The following ITGB3BP variants were observed in gnomAD, a reference collection of about 807,000 sequenced individuals.
ITGB3BP encodes the protein centromere protein R.
ITGB3BP carries 27 observed loss-of-function variants against 29.1 expected under a neutral mutation model. The ratio of observed to expected loss-of-function variants is 0.93; its 90% CI spans 0.68 to 1.28. The LOEUF (loss-of-function observed/expected upper bound fraction) is 1.28. ITGB3BP is among the 50% of genes most tolerant of loss of function. ITGB3BP has a pLI of 0.00. For synonymous variants in ITGB3BP, 61 were observed against 61.4 expected (o/e 0.99, Z 0.03); for missense variants, 192 against 200.2 (o/e 0.96, Z 0.25).
At chr1:63,470,996 G>C (rs1175595627) in intron 4 of ITGB3BP, among the ~76,000 whole-genome samples, 1 of 152,048 alleles carries the variant, frequency 6.6e-6, no homozygotes, top group Non-Finnish European at 1.5e-5. Context: ...GTTTTAATTT[G>C]CATTTTCCCA....
intron 8 of ITGB3BP, chr1:63,443,099 G>A (rs1644749550): frequency 6.6e-6 from 1 of 152,216 alleles, no homozygotes; most frequent in Non-Finnish European, 1.5e-5. Flanking sequence ...AACAATTACA[G>A]GTCAAGAGGA....
At chr1:63,494,318 T>G (rs1464263834) in intron 2 of ITGB3BP, among the ~76,000 whole-genome samples, 1 of 152,130 alleles carries the variant, frequency 6.6e-6, no homozygotes, top group East Asian at 1.9e-4. Flanking sequence ...AAGGTTTCAC[T>G]ATGTTCACCA....
At chr1:63,450,432 T>G (rs890881635) in intron 7 of ITGB3BP, among the ~76,000 whole-genome samples, 8 of 151,982 alleles carry the variant, frequency 5.3e-5, no homozygotes, top group Non-Finnish European at 7.4e-5. Flanking sequence ...TATTTTTAAT[T>G]ATCTTCAGAA....
chr1:63,465,006 T>C (rs991004381), intron 4 of ITGB3BP, among the ~76,000 whole-genome samples: 1 of 152,104 alleles, frequency 6.6e-6, no homozygotes, highest in East Asian at 1.9e-4. Flanking sequence ...AAGAGAAAAA[T>C]TGCAATAAAG....
At chr1:63,512,704 TTC>T (rs1486519089) in intron 1 of ITGB3BP, among the ~76,000 whole-genome samples, 1 of 152,104 alleles carries the variant, frequency 6.6e-6, no homozygotes, top group Non-Finnish European at 1.5e-5. Context: ...AGTAAGAAAT[TTC>T]TGAGTGGAAG....
At chr1:63,501,347 T>C (rs537989848) in intron 2 of ITGB3BP, among the ~76,000 whole-genome samples, 5 of 152,306 alleles carry the variant, frequency 3.3e-5, no homozygotes, top group Non-Finnish European at 5.9e-5. Flanking sequence ...GAAAATGTTA[T>C]GCTAAATGAA....
intron 2 of ITGB3BP, among the ~76,000 whole-genome samples, chr1:63,498,007 A>G (rs920172824): frequency 4.6e-5 from 7 of 152,230 alleles, no homozygotes; most frequent in East Asian, 1.9e-4. Flanking sequence ...AAAAAGATAT[A>G]CAATTATAAA....
chr1:63,510,600 C>T (rs978828807), intron 1 of ITGB3BP, among the ~76,000 whole-genome samples: 1 of 152,072 alleles, frequency 6.6e-6, no homozygotes, highest in Non-Finnish European at 1.5e-5. Flanking sequence ...TTAAAAGAAT[C>T]CTTAAAAGAT....
chr1:63,513,067 G>C (rs1374271098), intron 1 of ITGB3BP, among the ~76,000 whole-genome samples: 1 of 152,112 alleles, frequency 6.6e-6, no homozygotes, highest in Non-Finnish European at 1.5e-5. Context: ...CCTTCTGAGA[G>C]CATAACTTGA....
intron 3 of ITGB3BP, among the ~76,000 whole-genome samples, chr1:63,485,360 A>T (rs1168208701): frequency 6.6e-6 from 1 of 151,978 alleles, no homozygotes; most frequent in African/African-American, 2.4e-5. Flanking sequence ...TGTCTAAAAC[A>T]TCGTAACTCT....
intron 3 of ITGB3BP, among the ~76,000 whole-genome samples, chr1:63,488,305 A>G (rs1165795090): frequency 6.6e-6 from 1 of 152,036 alleles, no homozygotes; most frequent in Non-Finnish European, 1.5e-5. Flanking sequence ...AGTGTAAAAA[A>G]GGGGTAGAAA....
intron 7 of ITGB3BP, among the ~76,000 whole-genome samples, chr1:63,450,261 C>T (rs1487536899): frequency 6.6e-6 from 1 of 151,870 alleles, no homozygotes; most frequent in Non-Finnish European, 1.5e-5. Flanking sequence ...TTAAAATATG[C>T]ATACTGCAAC....
chr1:63,491,008 AATT>A (rs10541091), intron 2 of ITGB3BP, among the ~76,000 whole-genome samples: 150,541 of 152,166 alleles, frequency 0.99, 74,484 homozygotes, highest in Middle Eastern at 1. Context: ...TCATACATCC[AATT>A]ATTATTCACT....
intron 3 of ITGB3BP, among the ~76,000 whole-genome samples, chr1:63,481,745 G>A (rs1241121940): frequency 2.6e-5 from 4 of 152,150 alleles, no homozygotes; most frequent in East Asian, 1.9e-4. Context: ...TGATGACAAC[G>A]GCTAACACAT....
At chr1:63,474,378 A>AC (rs1169363047) in intron 4 of ITGB3BP, among the ~76,000 whole-genome samples, 6 of 149,152 alleles carry the variant, frequency 4.0e-5, no homozygotes, top group Admixed American at 2.0e-4. Context: ...CCCGGCCACG[A>AC]CCCCGTCTGG....
chr1:63,480,227 T>G (rs1026176784), intron 3 of ITGB3BP, among the ~76,000 whole-genome samples: 2 of 152,148 alleles, frequency 1.3e-5, no homozygotes, highest in African/African-American at 4.8e-5. Context: ...TAAGTCATAA[T>G]CCTTCATATG....
At chr1:63,505,991 T>C (rs548908456) in intron 2 of ITGB3BP, among the ~76,000 whole-genome samples, 1 of 152,362 alleles carries the variant, frequency 6.6e-6, no homozygotes, top group East Asian at 1.9e-4. Flanking sequence ...GTATATTCTG[T>C]TGATTTGGGG....
At chr1:63,443,106 A>G (rs1644749580) in intron 8 of ITGB3BP, 1 of 152,234 alleles carries the variant, frequency 6.6e-6, no homozygotes, top group Admixed American at 6.5e-5. Context: ...ACAGGTCAAG[A>G]GGAATAATCA....
intron 3 of ITGB3BP, 27 bp downstream of exon 3, chr1:63,490,056 A>G (rs751405000): frequency 1.6e-5 from 26 of 1,596,902 alleles, no homozygotes; most frequent in Non-Finnish European, 2.1e-5. Context: ...AAACCTTACA[A>G]TAAGTAGAAA....
Sources: allele counts gnomAD v4.1 joint callset (sites outside exome capture counted in the v4.1 genomes callset), GRCh38; gene constraint gnomAD v4.1.1; transcripts MANE v1.5; gene names NCBI Gene and HGNC (gene_info 2026-07-23, HGNC 2026-07-21).